The following CDH2 variants were observed in gnomAD, a reference collection of about 807,000 sequenced individuals.
The protein encoded by CDH2 is cadherin 2.
A neutral mutation model predicts 92.0 loss-of-function variants in CDH2; 17 were observed. The ratio of observed to expected loss-of-function variants is 0.18; its 90% CI spans 0.13 to 0.28. The LOEUF is 0.28. Ranked by LOEUF, CDH2 falls within the 10% of genes least tolerant of loss-of-function variation. The pLI is 1.00. For missense variants in CDH2, 862 were observed against 1,133.1 expected, an observed-to-expected ratio of 0.76 and a Z score of 3.44; for synonymous variants, 419 against 415.9, an observed-to-expected ratio of 1.01 and a Z score of -0.09.
At chr18:28,087,794 A>AAAAAC (rs146337361) in intron 2 of CDH2, among the ~76,000 whole-genome samples, 7,118 of 151,486 alleles carry the variant, frequency 0.047, 200 homozygotes, top group South Asian at 0.067. Flanking sequence ...AATGAAAATA[A>AAAAAC]AAAACAAAAC....
chr18:28,090,551 A>G (rs911645806), intron 2 of CDH2, among the ~76,000 whole-genome samples: 11 of 152,148 alleles, frequency 7.2e-5, no homozygotes, highest in African/African-American at 2.7e-4. Flanking sequence ...GGTGTTACCC[A>G]TACCCTTCCC....
At chr18:27,964,931 C>A (rs2011499082) in intron 14 of CDH2, among the ~76,000 whole-genome samples, 1 of 151,964 alleles carries the variant, frequency 6.6e-6, no homozygotes, top group South Asian at 2.1e-4. Flanking sequence ...CTTGGAGGGA[C>A]AGGAATGTGA....
intron 2 of CDH2, among the ~76,000 whole-genome samples, chr18:28,069,042 CA>C (rs1371181238): frequency 4.6e-5 from 7 of 152,102 alleles, no homozygotes; most frequent in African/African-American, 1.7e-4. Context: ...CTAAACATAA[CA>C]AGGAATGAAA....
At chr18:28,095,509 C>T (rs2015115953) in intron 2 of CDH2, among the ~76,000 whole-genome samples, 1 of 152,088 alleles carries the variant, frequency 6.6e-6, no homozygotes, top group African/African-American at 2.4e-5. Context: ...AAAGGGGACA[C>T]AGGCAGGTAA....
intron 2 of CDH2, among the ~76,000 whole-genome samples, chr18:28,066,532 A>G (rs1006804991): frequency 6.6e-6 from 1 of 152,126 alleles, no homozygotes; most frequent in African/African-American, 2.4e-5. Flanking sequence ...TTTCAAAGGC[A>G]AAACTCTCCT....
intron 8 of CDH2, 37 bp from the exon 9 acceptor site, chr18:27,992,877 T>C (rs374531050): frequency 2.0e-6 from 3 of 1,536,986 alleles, no homozygotes; most frequent in African/African-American, 1.4e-5. Flanking sequence ...AGGAGGGGCA[T>C]GGACCACTGA....
chr18:28,131,636 G>A (rs2015771431), intron 2 of CDH2, among the ~76,000 whole-genome samples: 1 of 151,812 alleles, frequency 6.6e-6, no homozygotes, highest in Non-Finnish European at 1.5e-5. Context: ...GAGAGAGGGA[G>A]AAAATTAAGG....
At chr18:28,014,427 C>T (rs1197741111) in intron 2 of CDH2, among the ~76,000 whole-genome samples, 1 of 152,088 alleles carries the variant, frequency 6.6e-6, no homozygotes, top group Non-Finnish European at 1.5e-5. Flanking sequence ...GGCACACAGT[C>T]TTAATACATA....
At chr18:28,176,766 C>T (rs2016549388) in intron 1 of CDH2, among the ~76,000 whole-genome samples, 197 bp downstream of exon 1, 3 of 151,800 alleles carry the variant, frequency 2.0e-5, no homozygotes, top group South Asian at 2.1e-4. Context: ...GACCTACTGG[C>T]CCCGGCAACC....
chr18:28,156,661 C>T (rs17446924), intron 1 of CDH2, among the ~76,000 whole-genome samples: 666 of 36,256 alleles, frequency 0.018, 26 homozygotes, highest in Admixed American at 0.029. Context: ...TTCCCAGGTG[C>T]AGAATGTCAC....
rs147315965 is a variant in CDH2, at chr18:27,941,474, C to T, written c.1152-8350G>A. On this transcript the variant is annotated intron_variant, in intron 6 of 6. Transcript: ENST00000675173. ...TCTCATTTCACATTCTTCAGTTGTG[C>T]TAAATGATTTCATAAACTTGATGAT... Among the ~76,000 whole-genome samples, 538 of 152,242 alleles carry T rather than the reference C, an allele frequency of 3.5e-3. 2 individuals carry two copies. The highest frequency in any genetic ancestry group is 5.9e-3 in the Non-Finnish European group (404 of 68,020).
At chr18:28,125,905 A>C (rs190775794) in intron 2 of CDH2, among the ~76,000 whole-genome samples, 6 of 152,294 alleles carry the variant, frequency 3.9e-5, no homozygotes, top group African/African-American at 9.6e-5. Flanking sequence ...TGGTTTCATC[A>C]TTTTCCTTAA....
intron 2 of CDH2, among the ~76,000 whole-genome samples, chr18:28,143,052 C>G (rs2015979843): frequency 6.6e-6 from 1 of 152,032 alleles, no homozygotes; most frequent in Non-Finnish European, 1.5e-5. Flanking sequence ...AGTAAGCACA[C>G]TAATCTAAAT....
downstream of CDH2, among the ~76,000 whole-genome samples, chr18:27,949,138 A>G (rs1179155525): frequency 6.6e-6 from 1 of 152,008 alleles, no homozygotes; most frequent in African/African-American, 2.4e-5. Flanking sequence ...TAACTTCCAA[A>G]GAAAAAAGAA....
At chr18:28,039,711 C>T (rs2013911818) in intron 2 of CDH2, among the ~76,000 whole-genome samples, 1 of 152,088 alleles carries the variant, frequency 6.6e-6, no homozygotes, top group Admixed American at 6.6e-5. Flanking sequence ...TCAAATTCTC[C>T]TTACCACTAA....
chr18:28,075,204 T>A (rs1385264491), intron 2 of CDH2, among the ~76,000 whole-genome samples: 1 of 152,084 alleles, frequency 6.6e-6, no homozygotes, highest in African/African-American at 2.4e-5. Context: ...AGAAAGCACA[T>A]AAAGTAAAAA....
intron 1 of CDH2, among the ~76,000 whole-genome samples, chr18:28,171,350 C>T (rs1390183866): frequency 6.6e-6 from 1 of 151,858 alleles, no homozygotes; most frequent in African/African-American, 2.4e-5. Context: ...CTCCTGAAGG[C>T]TATCTTCTCT....
intron 2 of CDH2, among the ~76,000 whole-genome samples, chr18:28,092,756 A>C (rs1203821429): frequency 6.6e-6 from 1 of 152,208 alleles, no homozygotes; most frequent in East Asian, 1.9e-4. Context: ...CCTTTCTTAA[A>C]ATAAATGAGA....
intron 2 of CDH2, among the ~76,000 whole-genome samples, chr18:28,033,015 C>T (rs927171037): frequency 1.8e-4 from 27 of 152,042 alleles, no homozygotes; most frequent in Non-Finnish European, 2.1e-4. Context: ...TTAATAATTA[C>T]ATTTCAAGGG....
Sources: gnomAD v4.1 joint callset for allele counts (sites outside exome capture counted in the v4.1 genomes callset) on GRCh38, gnomAD v4.1.1 for gene constraint, MANE v1.5 for transcripts, NCBI Gene and HGNC (gene_info 2026-07-23, HGNC 2026-07-21) for gene names.